Variants in LIN7A observed in about 807,000 individuals in gnomAD.
LIN7A encodes the protein lin-7 cell polarity scaffold A, also known as protein lin-7 homolog A.
A neutral mutation model predicts 29.8 loss-of-function variants in LIN7A; 25 were observed. The ratio of observed to expected loss-of-function variants is 0.84; its 90% CI spans 0.61 to 1.17. The LOEUF (loss-of-function observed/expected upper bound fraction) is 1.17, where lower values mean the gene tolerates loss of function less well. Among genes scored for constraint, LIN7A ranks in the 50% most tolerant of loss-of-function variants. The pLI, the probability that LIN7A is intolerant of heterozygous loss-of-function variation, is 0.00. For missense variants in LIN7A, 239 were observed against 287.0 expected (o/e 0.83, Z 1.21); for synonymous variants, 118 against 107.5 (o/e 1.10, Z -0.60).
intron 2 of LIN7A, among the ~76,000 whole-genome samples, chr12:80,860,732 C>T (rs1468697539): frequency 6.6e-6 from 1 of 152,212 alleles, no homozygotes; most frequent in Non-Finnish European, 1.5e-5. Flanking sequence ...TTCAGGCGTT[C>T]ATGCCTGTTG....
intron 2 of LIN7A, among the ~76,000 whole-genome samples, chr12:80,848,977 T>C (rs1220657672): frequency 6.6e-6 from 1 of 152,190 alleles, no homozygotes; most frequent in African/African-American, 2.4e-5. Context: ...GTTGAGTGTC[T>C]GGGACTAATC....
chr12:80,918,698 G>A (rs1017380728), intron 1 of LIN7A, among the ~76,000 whole-genome samples: 4 of 152,156 alleles, frequency 2.6e-5, no homozygotes, highest in African/African-American at 9.7e-5. Context: ...TAATGGAAGA[G>A]TTTCTGTGTT....
chr12:80,937,560 T>A lies in LIN7A; in HGVS notation c.82+81A>T. The A allele has an allele frequency of 4.8e-6, 5 of 1,044,456 alleles. No homozygotes were observed. The South Asian group carries it at 6.1e-5, about 13-fold the overall frequency. 64.7% of individuals were successfully genotyped at this position (1,044,456 alleles called of 1,614,324 possible). On this transcript the variant is annotated intron_variant, in intron 1 of 5. Transcript: ENST00000552864. ...TCTCCTCCTGCCTGAGCGCGTCCCA[T>A]GTCCCGTTGGGAATTGGCAGGCGGG...
intron 2 of LIN7A, among the ~76,000 whole-genome samples, chr12:80,851,545 C>T (rs1592894884): frequency 1.3e-5 from 2 of 151,964 alleles, no homozygotes; most frequent in Admixed American, 6.6e-5. Flanking sequence ...TATATCCATG[C>T]CTATCTTACT....
At chr12:80,934,896 T>C (rs907716730) in intron 1 of LIN7A, among the ~76,000 whole-genome samples, 1 of 152,174 alleles carries the variant, frequency 6.6e-6, no homozygotes, top group Non-Finnish European at 1.5e-5. Flanking sequence ...CCACAATTCC[T>C]CTTGGTTAAA....
intron 4 of LIN7A, among the ~76,000 whole-genome samples, chr12:80,841,489 C>A (rs892991175): frequency 6.6e-6 from 1 of 151,950 alleles, no homozygotes; most frequent in Non-Finnish European, 1.5e-5. Flanking sequence ...TATATCAGAG[C>A]CCCTACAATC....
intron 1 of LIN7A, among the ~76,000 whole-genome samples, chr12:80,901,322 A>G (rs1876203289): frequency 6.6e-6 from 1 of 152,170 alleles, no homozygotes; most frequent in East Asian, 1.9e-4. Context: ...CAGAGCTTCA[A>G]GTTTAATTTA....
intron 2 of LIN7A, among the ~76,000 whole-genome samples, chr12:80,850,841 C>T (rs565737510): frequency 6.6e-6 from 1 of 152,170 alleles, no homozygotes; most frequent in Non-Finnish European, 1.5e-5. Flanking sequence ...GAGTAAATTA[C>T]CATAATTCTG....
At position 80,937,733 on chromosome 12, in the gene LIN7A, T is replaced by C; in HGVS notation, c.-11A>G. The C allele has an allele frequency of 7.0e-7, 1 of 1,430,546 alleles. No individual in the cohort carries two copies. Among genetic ancestry groups the C allele is most frequent in the Non-Finnish European group, 9.2e-7 (1 of 1,081,394 alleles). 88.6% of individuals were successfully genotyped at this position (1,430,546 alleles called of 1,614,324 possible). A position where few individuals can be genotyped will look rare whatever the true frequency, so the allele number is the denominator to read the frequency against. On this transcript the variant is annotated 5_prime_UTR_variant, in exon 1 of 6. Transcript: ENST00000552864. ...GCTCGGCTTCAGCATCAGCAACCGCTCGTAGTGAGAAAAAAAGGAGGAGAT... is the reference window on the plus strand; with the variant it reads ...GCTCGGCTTCAGCATCAGCAACCGCCCGTAGTGAGAAAAAAAGGAGGAGAT...
rs145712476 is a variant in LIN7A, at chr12:80,902,711, T to G, written c.83-13342A>C. Among the ~76,000 whole-genome samples the G allele has an allele frequency of 4.5e-3, 681 of 152,276 alleles. 4 individuals carry two copies. The highest frequency in any genetic ancestry group is 0.015 in the African/African-American group (622 of 41,578). On this transcript the variant is annotated intron_variant, in intron 1 of 5. Coordinates refer to ENST00000552864, the MANE Select transcript of LIN7A (RefSeq NM_004664.4). ...GCTACTGGTTTTTGTACATTGACTT[T>G]GTATCCTGAAACTTTACTTAAGTCA...
At chr12:80,896,250 G>T (rs1188173138) in intron 1 of LIN7A, among the ~76,000 whole-genome samples, 1 of 152,172 alleles carries the variant, frequency 6.6e-6, no homozygotes, top group Admixed American at 6.5e-5. Context: ...AAGCCTACAT[G>T]TGGAAGGTCA....
chr12:80,937,731 G>T lies in LIN7A; in HGVS notation c.-9C>A, dbSNP rs1300433262. 2 of 1,428,862 alleles carry T rather than the reference G, an allele frequency of 1.4e-6. No homozygotes were observed. The highest frequency in any genetic ancestry group is 2.1e-5 in the Admixed American group (1 of 47,614). 88.5% of individuals were successfully genotyped at this position (1,428,862 alleles called of 1,614,324 possible). ...ACGCTCGGCTTCAGCATCAGCAACC[G>T]CTCGTAGTGAGAAAAAAAGGAGGAG... On this transcript the variant is annotated 5_prime_UTR_variant, in exon 1 of 6. Coordinates refer to ENST00000552864, the MANE Select transcript of LIN7A (RefSeq NM_004664.4).
chr12:80,896,818 T>C (rs1343061249), intron 1 of LIN7A, among the ~76,000 whole-genome samples: 1 of 152,252 alleles, frequency 6.6e-6, no homozygotes, highest in Non-Finnish European at 1.5e-5. Context: ...ATCCTGGCAT[T>C]GACTGCTCAA....
intron 5 of LIN7A, among the ~76,000 whole-genome samples, chr12:80,800,259 G>C (rs1386959424): frequency 6.6e-6 from 1 of 152,054 alleles, no homozygotes. Context: ...GGAGGCCGAG[G>C]CTGGCGGATC....
At chr12:80,888,875 T>C (rs1875474558) in intron 2 of LIN7A, among the ~76,000 whole-genome samples, 2 of 152,122 alleles carry the variant, frequency 1.3e-5, no homozygotes, top group African/African-American at 4.8e-5. Flanking sequence ...CTACTTCAGA[T>C]TTACCTGGGA....
At chr12:80,848,206 A>T in intron 3 of LIN7A, 45 bp downstream of exon 3, 1 of 1,372,648 alleles carries the variant, frequency 7.3e-7, no homozygotes, top group Non-Finnish European at 1.0e-6. Context: ...ATCAATTACT[A>T]GATAACTGGG....
intron 1 of LIN7A, among the ~76,000 whole-genome samples, chr12:80,935,572 T>C (rs1421656319): frequency 6.6e-6 from 1 of 152,178 alleles, no homozygotes; most frequent in African/African-American, 2.4e-5. Context: ...AAGGGAAATT[T>C]TTAGAACCTT....
chr12:80,859,801 G>A (rs1306142890), intron 2 of LIN7A, among the ~76,000 whole-genome samples: 1 of 152,056 alleles, frequency 6.6e-6, no homozygotes, highest in African/African-American at 2.4e-5. Context: ...AAATTAAAAT[G>A]ATTTATAATT....
intron 4 of LIN7A, among the ~76,000 whole-genome samples, chr12:80,839,115 C>T (rs1565896809): frequency 6.6e-6 from 1 of 152,184 alleles, no homozygotes; most frequent in Non-Finnish European, 1.5e-5. Context: ...AGAAAAACAA[C>T]TGATCTCTCT....
Sources: gnomAD v4.1 joint callset for allele counts (sites outside exome capture counted in the v4.1 genomes callset) on GRCh38, gnomAD v4.1.1 for gene constraint, MANE v1.5 for transcripts, NCBI Gene and HGNC (gene_info 2026-07-23, HGNC 2026-07-21) for gene names.